The following NUDT3 variants were observed in gnomAD, a reference collection of about 807,000 sequenced individuals.
NUDT3 encodes the protein diphosphoinositol polyphosphate phosphohydrolase 1.
NUDT3 carries 9 observed loss-of-function variants against 23.6 expected under a neutral mutation model. The ratio of observed to expected loss-of-function variants is 0.38; its 90% CI spans 0.23 to 0.66. The LOEUF (loss-of-function observed/expected upper bound fraction) is 0.66, where lower values mean the gene tolerates loss of function less well. NUDT3 is among the 30% of genes least tolerant of loss of function. The pLI, the probability that NUDT3 is intolerant of heterozygous loss-of-function variation, is 0.52. For synonymous variants in NUDT3, 86 were observed against 82.6 expected (o/e 1.04, Z -0.22); for missense variants, 172 against 218.5 (o/e 0.79, Z 1.34).
At chr6:34,381,802 C>G (rs977645675) in intron 1 of NUDT3, among the ~76,000 whole-genome samples, 3 of 151,936 alleles carry the variant, frequency 2.0e-5, no homozygotes, top group Non-Finnish European at 4.4e-5. Flanking sequence ...CGGCTGGGCA[C>G]GGTGGCTCAC....
intron 2 of NUDT3, among the ~76,000 whole-genome samples, chr6:34,303,197 A>ATTTTTTT (rs55915428): frequency 8.1e-5 from 6 of 74,506 alleles, no homozygotes; most frequent in Admixed American, 1.9e-4. Context: ...ATACCTGGCA[A>ATTTTTTT]TTTTTTTTTT....
chr6:34,312,273 G>A (rs925936644), intron 2 of NUDT3, among the ~76,000 whole-genome samples: 7 of 151,844 alleles, frequency 4.6e-5, no homozygotes, highest in African/African-American at 1.2e-4. Flanking sequence ...GTGGTGGTGC[G>A]CGCCTATAAT....
In NUDT3 at chr6:34,284,345, A is replaced by G. The variant is rs1188808712; in HGVS notation, c.*4408T>C. 1 of 152,196 alleles carries G rather than the reference A, an allele frequency of 6.6e-6. No homozygotes were observed. The highest frequency in any genetic ancestry group is 1.5e-5 in the Non-Finnish European group (1 of 68,042). 9.4% of individuals were successfully genotyped at this position (152,196 alleles called of 1,614,324 possible). On this transcript the variant is annotated 3_prime_UTR_variant, in exon 5 of 5. Transcript: ENST00000607016. Reference sequence around the variant, plus strand: ...AAGCTGTATTATCAATTACAGAGACAGCCAACTCTCATTTCTCTTAAAGCA... The same window carrying G: ...AAGCTGTATTATCAATTACAGAGACGGCCAACTCTCATTTCTCTTAAAGCA...
At chr6:34,320,122 CAAG>C (rs1763918129) in intron 2 of NUDT3, among the ~76,000 whole-genome samples, 1 of 151,864 alleles carries the variant, frequency 6.6e-6, no homozygotes, top group Non-Finnish European at 1.5e-5. Flanking sequence ...AGCCCACAGT[CAAG>C]AAGGAGGGCT....
intron 1 of NUDT3, among the ~76,000 whole-genome samples, chr6:34,388,630 G>A (rs1163891539): frequency 6.6e-6 from 1 of 152,008 alleles, no homozygotes; most frequent in Non-Finnish European, 1.5e-5. Flanking sequence ...ATTATTCTGT[G>A]GTCCAAAATC....
chr6:34,329,305 A>C (rs962287563), intron 2 of NUDT3, among the ~76,000 whole-genome samples: 1 of 152,128 alleles, frequency 6.6e-6, no homozygotes, highest in Admixed American at 6.5e-5. Context: ...TTTGAGATGA[A>C]GTCTCGCTCT....
chr6:34,336,972 T>A (rs1764217837), intron 2 of NUDT3, among the ~76,000 whole-genome samples: 2 of 152,198 alleles, frequency 1.3e-5, no homozygotes, highest in Non-Finnish European at 1.5e-5. Context: ...AAGCTTCCCT[T>A]CAAGGACAAT....
chr6:34,354,394 A>AACACACACACACACACACACACACAC (rs370168110), intron 1 of NUDT3, among the ~76,000 whole-genome samples: 17 of 137,720 alleles, frequency 1.2e-4, no homozygotes, highest in African/African-American at 4.7e-4. Context: ...GATTTCATTA[A>AACACACACACACACACACACACACAC]ACACACACAC....
At chr6:34,346,212 A>T (rs1184870562) in intron 1 of NUDT3, among the ~76,000 whole-genome samples, 1 of 151,176 alleles carries the variant, frequency 6.6e-6, no homozygotes, top group East Asian at 1.9e-4. Context: ...TTACAAGGTT[A>T]AAAAAAAAGG....
chr6:34,369,797 C>T (rs1032423171), intron 1 of NUDT3, among the ~76,000 whole-genome samples: 12 of 151,828 alleles, frequency 7.9e-5, no homozygotes, highest in African/African-American at 2.2e-4. Flanking sequence ...GGAGGGTCTT[C>T]TCAGGAAACT....
At chr6:34,383,928 T>C (rs1765064526) in intron 1 of NUDT3, among the ~76,000 whole-genome samples, 1 of 152,184 alleles carries the variant, frequency 6.6e-6, no homozygotes, top group Non-Finnish European at 1.5e-5. Flanking sequence ...TGTCCAGTCA[T>C]GACGGGATCA....
At chr6:34,312,984 T>G (rs1464999068) in intron 2 of NUDT3, among the ~76,000 whole-genome samples, 6 of 151,990 alleles carry the variant, frequency 3.9e-5, no homozygotes, top group African/African-American at 7.3e-5. Context: ...CTGGCCAACA[T>G]GGCGAAACCC....
chr6:34,322,559 T>C (rs1763961653), intron 2 of NUDT3, among the ~76,000 whole-genome samples: 1 of 152,158 alleles, frequency 6.6e-6, no homozygotes, highest in Admixed American at 6.5e-5. Flanking sequence ...TCAGTATCTT[T>C]GGGGACAGGC....
chr6:34,361,645 A>G (rs1219921239), intron 1 of NUDT3, among the ~76,000 whole-genome samples: 1 of 152,234 alleles, frequency 6.6e-6, no homozygotes, highest in Non-Finnish European at 1.5e-5. Flanking sequence ...CAGTAGGTGA[A>G]TGGATAAATA....
At chr6:34,348,878 T>C (rs930636729) in intron 1 of NUDT3, among the ~76,000 whole-genome samples, 3 of 151,930 alleles carry the variant, frequency 2.0e-5, no homozygotes, top group Admixed American at 6.6e-5. Flanking sequence ...TTTTTTTTTT[T>C]AGACAGGATC....
chr6:34,361,837 T>C (rs966264451), intron 1 of NUDT3, among the ~76,000 whole-genome samples: 4 of 151,866 alleles, frequency 2.6e-5, no homozygotes, highest in African/African-American at 9.7e-5. Context: ...AGTAGATCAG[T>C]GGTTGTTAGG....
At position 34,392,609 on chromosome 6, in the gene NUDT3, T is replaced by TGCC. The variant is rs1765228270; in HGVS notation, c.-250_-248dup. Reference sequence around the variant, plus strand: ...CTGCCGCCAGGGCCGCCGCCCCCTCTGCCGCCGCCACCCCCGACGACGACC... The same window carrying TGCC: ...CTGCCGCCAGGGCCGCCGCCCCCTCTGCCGCCGCCGCCACCCCCGACGACGACC... On this transcript the variant is annotated 5_prime_UTR_variant, in exon 1 of 5. Transcript: ENST00000607016. The TGCC allele has an allele frequency of 3.5e-6, 1 of 282,924 alleles. No individual in the cohort carries two copies. Among genetic ancestry groups the TGCC allele is most frequent in the Non-Finnish European group, 6.5e-6 (1 of 152,722 alleles). 17.5% of individuals were successfully genotyped at this position (282,924 alleles called of 1,614,324 possible).
At chr6:34,350,976 C>T (rs926484232) in intron 1 of NUDT3, among the ~76,000 whole-genome samples, 1 of 149,876 alleles carries the variant, frequency 6.7e-6, no homozygotes, top group Non-Finnish European at 1.5e-5. Context: ...ACACAGATAT[C>T]GGCGCCAGGC....
chr6:34,330,664 G>A (rs567433134), intron 2 of NUDT3, among the ~76,000 whole-genome samples: 5 of 152,138 alleles, frequency 3.3e-5, no homozygotes, highest in African/African-American at 1.2e-4. Flanking sequence ...GGGTGTGGTG[G>A]TGCATGCTTA....
Sources: allele counts gnomAD v4.1 joint callset (sites outside exome capture counted in the v4.1 genomes callset), GRCh38; gene constraint gnomAD v4.1.1; transcripts MANE v1.5; gene names NCBI Gene and HGNC (gene_info 2026-07-23, HGNC 2026-07-21).